The following MTRF1L variants were observed in gnomAD, a reference collection of about 807,000 sequenced individuals.
MTRF1L encodes the protein mitochondrial translation release factor 1 like.
A neutral mutation model predicts 40.0 loss-of-function variants in MTRF1L; 29 were observed. The observed-to-expected ratio is 0.73, with a 90% confidence interval of 0.54 to 0.99. The LOEUF (loss-of-function observed/expected upper bound fraction) is 0.99. Among genes scored for constraint, MTRF1L ranks in the 50% least tolerant of loss-of-function variants. The pLI is 0.00. For synonymous variants in MTRF1L, 150 were observed against 175.8 expected (o/e 0.85, Z 1.16); for missense variants, 412 against 464.5 (o/e 0.89, Z 1.04).
rs1373938756 is a variant in MTRF1L, at chr6:152,989,744, T to G, written c.*151A>C. ...ATTTTTGCTAATGCATTGAGAGAGATCTGTGTAAATTATCTATGACTTCAG... is the reference window on the plus strand; with the variant it reads ...ATTTTTGCTAATGCATTGAGAGAGAGCTGTGTAAATTATCTATGACTTCAG... On this transcript the variant is annotated 3_prime_UTR_variant, in exon 7 of 7. Transcript: ENST00000367233. 3.4e-5 allele frequency: 26 copies of G among 770,510 alleles called. No individual in the cohort carries two copies. The highest frequency in any genetic ancestry group is 4.8e-5 in the Non-Finnish European group (24 of 502,656). The allele number at this position is 770,510 out of a possible 1,614,324, so 47.7% of individuals were successfully genotyped here.
Position 153,002,424 on chromosome 6 carries a change from T to C in MTRF1L, c.259+3A>G, listed in dbSNP as rs567157821. On this transcript the variant is annotated splice_donor_region_variant and intron_variant, in intron 1 of 6. Transcript: ENST00000367233. ...ACGCCTCTCCCCCGGGCCCGACCCT[T>C]ACCGTGCAGCAAGTGCTCAGTCTCC... 3 of 1,613,822 alleles carry C rather than the reference T, an allele frequency of 1.9e-6. No individual in the cohort carries two copies. Among genetic ancestry groups the C allele is most frequent in the Non-Finnish European group, 2.5e-6 (3 of 1,179,870 alleles).
At chr6:152,993,041 C>T (rs898938351) in intron 4 of MTRF1L, 67 bp from the exon 5 acceptor site, 1 of 1,172,582 alleles carries the variant, frequency 8.5e-7, no homozygotes, top group Admixed American at 1.7e-5. Flanking sequence ...CAAGAGCGAC[C>T]CATTTATGAA....
chr6:153,002,029 C>T (rs1200651365), intron 1 of MTRF1L, among the ~76,000 whole-genome samples: 1 of 152,216 alleles, frequency 6.6e-6, no homozygotes, highest in African/African-American at 2.4e-5. Flanking sequence ...CCTTTACCCA[C>T]GTATAGGTCT....
intron 1 of MTRF1L, among the ~76,000 whole-genome samples, chr6:153,001,061 C>A (rs1291894860): frequency 6.6e-6 from 1 of 151,914 alleles, no homozygotes; most frequent in African/African-American, 2.4e-5. Flanking sequence ...TTTGTAGAGA[C>A]AGGGTTTTGC....
At chr6:153,001,534 C>T (rs1778917713) in intron 1 of MTRF1L, among the ~76,000 whole-genome samples, 1 of 152,116 alleles carries the variant, frequency 6.6e-6, no homozygotes, top group South Asian at 2.1e-4. Flanking sequence ...ATATGGCATT[C>T]AATGCAAAAC....
intron 4 of MTRF1L, 26 bp downstream of exon 4, chr6:152,994,487 T>G: frequency 6.3e-7 from 1 of 1,583,426 alleles, no homozygotes; most frequent in Non-Finnish European, 8.6e-7. Flanking sequence ...GGCCCGGGAT[T>G]CCAAGGAGAG....
At chr6:152,999,843 A>T (rs186691836) in intron 1 of MTRF1L, among the ~76,000 whole-genome samples, 135 of 152,322 alleles carry the variant, frequency 8.9e-4, no homozygotes, top group Non-Finnish European at 1.7e-3. Context: ...GTATGTCTTT[A>T]TCAGCAGTGT....
At chr6:152,998,716 A>G (rs1562304015) in intron 1 of MTRF1L, 87 bp from the exon 2 acceptor site, 1 of 814,404 alleles carries the variant, frequency 1.2e-6, no homozygotes, top group Non-Finnish European at 1.8e-6. Flanking sequence ...TATGGTTATT[A>G]TAGCTGAAGG....
chr6:152,992,220 A>G (rs1778547687), intron 5 of MTRF1L, among the ~76,000 whole-genome samples: 1 of 152,226 alleles, frequency 6.6e-6, no homozygotes, highest in Non-Finnish European at 1.5e-5. Flanking sequence ...TCCTTTCTAG[A>G]TAACTGAGAT....
At position 152,999,736 on chromosome 6, in the gene MTRF1L, G is replaced by A. The variant is rs578205061; in HGVS notation, c.260-1107C>T. ...TCTCTTGTCTGCTGCCATGTAAGAC[G>A]TGCCTTTTGCCTTCCACCATGATTG... On this transcript the variant is annotated intron_variant, in intron 1 of 6. Transcript: ENST00000367233. 2.6e-5 allele frequency among the ~76,000 whole-genome samples: 4 copies of A among 152,286 alleles called. No homozygotes were observed. In the East Asian group the frequency reaches 7.7e-4, roughly 29 times the overall value.
At chr6:153,000,353 AT>A (rs1778867477) in intron 1 of MTRF1L, among the ~76,000 whole-genome samples, 1 of 152,184 alleles carries the variant, frequency 6.6e-6, no homozygotes, top group African/African-American at 2.4e-5. Flanking sequence ...TTTGAAATCT[AT>A]ATGTATTTTA....
intron 1 of MTRF1L, 90 bp from the exon 2 acceptor site, chr6:152,998,719 G>C (rs1378667930): frequency 6.5e-6 from 5 of 770,290 alleles, no homozygotes; most frequent in Admixed American, 7.5e-5. Context: ...GGTTATTATA[G>C]CTGAAGGGAA....
intron 4 of MTRF1L, among the ~76,000 whole-genome samples, chr6:152,993,979 A>G (rs1584097596): frequency 1.3e-5 from 2 of 152,350 alleles, no homozygotes; most frequent in East Asian, 3.9e-4. Context: ...ATCTGCTATC[A>G]CTTTTCAGTA....
At chr6:152,998,722 G>A (rs1196071778) in intron 1 of MTRF1L, 93 bp from the exon 2 acceptor site, 12 of 739,380 alleles carry the variant, frequency 1.6e-5, no homozygotes, top group Non-Finnish European at 2.5e-5. Flanking sequence ...TATTATAGCT[G>A]AAGGGAAAAA....
At chr6:152,999,560 G>A (rs1182218720) in intron 1 of MTRF1L, among the ~76,000 whole-genome samples, 1 of 152,178 alleles carries the variant, frequency 6.6e-6, no homozygotes, top group Non-Finnish European at 1.5e-5. Flanking sequence ...TTGATTTGTA[G>A]CTCCCACAAT....
chr6:152,989,709 A>G lies in MTRF1L; in HGVS notation c.*186T>C, dbSNP rs1009107847. 6 of 624,414 alleles carry G rather than the reference A, an allele frequency of 9.6e-6. No individual in the cohort carries two copies. Among genetic ancestry groups the G allele is most frequent in the Non-Finnish European group, 1.3e-5 (5 of 377,964 alleles). The allele number at this position is 624,414 out of a possible 1,614,324, so 38.7% of individuals were successfully genotyped here. ...ACAATGTAAATCGAGGACCATCTGTATATTGTATGATTTTTGCTAATGCAT... is the reference window on the plus strand; with the variant it reads ...ACAATGTAAATCGAGGACCATCTGTGTATTGTATGATTTTTGCTAATGCAT... On this transcript the variant is annotated 3_prime_UTR_variant, in exon 7 of 7. Coordinates refer to ENST00000367233, the MANE Select transcript of MTRF1L (RefSeq NM_019041.7).
At chr6:152,991,482 A>C (rs1778514489) in intron 5 of MTRF1L, 161 bp from the exon 6 acceptor site, 1 of 772,630 alleles carries the variant, frequency 1.3e-6, no homozygotes, top group Admixed American at 4.1e-5. Context: ...TAACTTTTGC[A>C]GAGTTTATCA....
chr6:152,992,435 T>G (rs1778559822), intron 5 of MTRF1L, among the ~76,000 whole-genome samples: 1 of 152,192 alleles, frequency 6.6e-6, no homozygotes, highest in African/African-American at 2.4e-5. Context: ...TGTTTCTGAG[T>G]AGGAGGTCCA....
At chr6:152,996,887 A>G (rs550043633) in intron 2 of MTRF1L, among the ~76,000 whole-genome samples, 51 of 152,300 alleles carry the variant, frequency 3.3e-4, no homozygotes, top group African/African-American at 9.1e-4. Flanking sequence ...GGGGACTTCA[A>G]GAAGTTGTAT....
Sources: gnomAD v4.1 joint callset for allele counts (sites outside exome capture counted in the v4.1 genomes callset) on GRCh38, gnomAD v4.1.1 for gene constraint, MANE v1.5 for transcripts, NCBI Gene and HGNC (gene_info 2026-07-23, HGNC 2026-07-21) for gene names.